Variants in GSDMC observed in about 807,000 individuals in gnomAD.
GSDMC encodes gasdermin C, also known as gasdermin-C.
In GSDMC, 59 loss-of-function variants were observed where a neutral mutation model predicts 58.0. The ratio of observed to expected loss-of-function variants is 1.02; its 90% CI spans 0.82 to 1.26. GSDMC has a LOEUF of 1.26. GSDMC is among the 50% of genes most tolerant of loss of function. The probability of loss-of-function intolerance (pLI) is 0.00; values close to 1 mark genes in which losing one functional copy is unlikely to be tolerated. For missense variants in GSDMC, 659 were observed against 598.5 expected, an observed-to-expected ratio of 1.10 and a Z score of -1.06; for synonymous variants, 241 against 220.2, an observed-to-expected ratio of 1.09 and a Z score of -0.83.
the GSDMC span, among the ~76,000 whole-genome samples, chr8:129,720,684 A>G: frequency 6.6e-6 from 1 of 152,352 alleles, no homozygotes; most frequent in South Asian, 2.1e-4. Flanking sequence ...TTATACTTAC[A>G]TGTTAATTTA....
intron 1 of GSDMC, among the ~76,000 whole-genome samples, chr8:129,780,589 A>T (rs1369091446): frequency 1.4e-4 from 21 of 152,162 alleles, no homozygotes; most frequent in Admixed American, 1.4e-3. Context: ...GACCTTCCCA[A>T]ACAAAAACTG....
chr8:129,755,815 T>TTATGG (rs1163019062), intron 6 of GSDMC, among the ~76,000 whole-genome samples: 1 of 151,612 alleles, frequency 6.6e-6, no homozygotes, highest in Non-Finnish European at 1.5e-5. Flanking sequence ...AAATAATGGG[T>TTATGG]TATGAGACAG....
the GSDMC span, chr8:129,706,650 G>A: frequency 6.6e-6 from 1 of 152,142 alleles, no homozygotes; most frequent in Non-Finnish European, 1.5e-5. Flanking sequence ...TTTGATTTTA[G>A]GCAACATTCC....
downstream of GSDMC, among the ~76,000 whole-genome samples, chr8:129,747,568 G>C (rs146338889): frequency 1.2e-3 from 178 of 152,268 alleles, no homozygotes; most frequent in African/African-American, 4.0e-3. Context: ...TTAAAATCTT[G>C]GTTGATAATT....
chr8:129,717,604 T>G, the GSDMC span, among the ~76,000 whole-genome samples: 2 of 152,082 alleles, frequency 1.3e-5, no homozygotes, highest in African/African-American at 2.4e-5. Context: ...CCAAAGTGAT[T>G]TATAGATTTG....
the GSDMC span, among the ~76,000 whole-genome samples, chr8:129,726,410 A>G: frequency 2.0e-5 from 3 of 152,096 alleles, no homozygotes; most frequent in Non-Finnish European, 2.9e-5. Context: ...GAGAGAGAGG[A>G]GATGGCCTTG....
At chr8:129,709,173 C>CCTTTTTTTTT in the GSDMC span, among the ~76,000 whole-genome samples, 1 of 147,814 alleles carries the variant, frequency 6.8e-6, no homozygotes. Context: ...ATTCCCCCTT[C>CCTTTTTTTTT]TTTTTTTTTT....
chr8:129,731,211 G>C, the GSDMC span, among the ~76,000 whole-genome samples: 2 of 152,194 alleles, frequency 1.3e-5, no homozygotes, highest in Non-Finnish European at 2.9e-5. Flanking sequence ...AGTACCCAAG[G>C]AAAGAATATC....
chr8:129,733,951 C>T, the GSDMC span, among the ~76,000 whole-genome samples: 1 of 152,112 alleles, frequency 6.6e-6, no homozygotes. Flanking sequence ...GAATGGCTAA[C>T]TAGAATAAAC....
intron 6 of GSDMC, among the ~76,000 whole-genome samples, chr8:129,755,757 TATTA>T (rs1319178879): frequency 2.0e-5 from 3 of 152,098 alleles, no homozygotes; most frequent in African/African-American, 7.2e-5. Flanking sequence ...TCTTTTTGCC[TATTA>T]GTTCATTTGT....
the GSDMC span, among the ~76,000 whole-genome samples, chr8:129,735,672 T>C: frequency 6.6e-6 from 1 of 152,146 alleles, no homozygotes; most frequent in Non-Finnish European, 1.5e-5. Flanking sequence ...TACAGGGAAA[T>C]TTATAGCACT....
intron 7 of GSDMC, 129 bp from the exon 8 acceptor site, chr8:129,752,276 C>A: frequency 1.3e-6 from 1 of 771,750 alleles, no homozygotes; most frequent in South Asian, 1.6e-5. Context: ...CATGTTCCAT[C>A]AGTTCAGTTA....
At chr8:129,728,143 T>A in the GSDMC span, among the ~76,000 whole-genome samples, 1 of 152,128 alleles carries the variant, frequency 6.6e-6, no homozygotes, top group East Asian at 1.9e-4. Context: ...TCTCCAGGCA[T>A]TCAGAGCACC....
At chr8:129,759,750 T>C (rs2033581590) in intron 6 of GSDMC, among the ~76,000 whole-genome samples, 1 of 152,146 alleles carries the variant, frequency 6.6e-6, no homozygotes, top group Admixed American at 6.5e-5. Context: ...GAGACTCTCA[T>C]ATGCCGTTGA....
intron 7 of GSDMC, 89 bp downstream of exon 7, chr8:129,752,609 C>T: frequency 1.3e-6 from 2 of 1,537,588 alleles, no homozygotes; most frequent in Admixed American, 2.0e-5. Context: ...ATGGTTCATA[C>T]ACCCCACATA....
chr8:129,725,592 T>C, the GSDMC span, among the ~76,000 whole-genome samples: 5 of 152,224 alleles, frequency 3.3e-5, no homozygotes, highest in African/African-American at 7.2e-5. Context: ...CATTTGTTGC[T>C]TTTGAGTCTC....
chr8:129,741,297 A>C, the GSDMC span, among the ~76,000 whole-genome samples: 1 of 152,040 alleles, frequency 6.6e-6, no homozygotes, highest in Non-Finnish European at 1.5e-5. Context: ...CAGTTTTGTT[A>C]TTTTAACTCA....
chr8:129,741,715 C>T, the GSDMC span, among the ~76,000 whole-genome samples: 1 of 151,952 alleles, frequency 6.6e-6, no homozygotes, highest in African/African-American at 2.4e-5. Flanking sequence ...TGTTAGAAGA[C>T]AGTATGGAGG....
chr8:129,714,965 T>C, the GSDMC span, among the ~76,000 whole-genome samples: 2 of 152,234 alleles, frequency 1.3e-5, no homozygotes, highest in Non-Finnish European at 2.9e-5. Context: ...ATAGACATAA[T>C]ATACATGTCA....
Sources: gnomAD v4.1 joint callset for allele counts (sites outside exome capture counted in the v4.1 genomes callset) on GRCh38, gnomAD v4.1.1 for gene constraint, MANE v1.5 for transcripts, NCBI Gene and HGNC (gene_info 2026-07-23, HGNC 2026-07-21) for gene names.